TTC21A: variants seen among roughly 807,000 people sequenced by gnomAD.
TTC21A encodes tetratricopeptide repeat protein 21A.
A neutral mutation model predicts 156.4 loss-of-function variants in TTC21A; 128 were observed. The observed-to-expected ratio is 0.82, with a 90% confidence interval of 0.71 to 0.95. The LOEUF is 0.95. Among genes scored for constraint, TTC21A ranks in the 40% least tolerant of loss-of-function variants. The pLI, the probability that TTC21A is intolerant of heterozygous loss-of-function variation, is 0.00. For missense variants in TTC21A, 1,435 were observed against 1,602.3 expected (o/e 0.90, Z 1.78); for synonymous variants, 587 against 617.1 (o/e 0.95, Z 0.72).
chr3:39,120,900 G>C (rs2037713188), intron 8 of TTC21A, 97 bp from the exon 9 acceptor site: 5 of 1,139,930 alleles, frequency 4.4e-6, no homozygotes, highest in Non-Finnish European at 6.3e-6. Context: ...GGGCCTACCA[G>C]CCCTGCCTAC....
In TTC21A at chr3:39,107,850, GAC is replaced by G. The variant is rs1215783077; in HGVS notation, c.14_15del (p.Asp5ValfsTer11). ...CGAGCGGCCCGAGATGAGCAGCAAT[GAC>G]TCCTCCCTTATGGTGCGTGGCCCGG... The part of the protein sequence containing the change: MSSN[D>X]SSLMAGIIYY... On this transcript the variant is annotated frameshift_variant, in exon 1 of 29. Coordinates refer to ENST00000683103, the MANE Select transcript of TTC21A (RefSeq NM_001366900.1). LOFTEE classifies it high-confidence loss of function. 6.2e-7 allele frequency: 1 copy of G among 1,613,038 alleles called. No individual in the cohort carries two copies. The highest frequency in any genetic ancestry group is 8.5e-7 in the Non-Finnish European group (1 of 1,179,996).
In TTC21A at chr3:39,130,671, C is replaced by G; in HGVS notation, c.2320-30C>G. ...CGGGCACTGAAGGGCAGAACCAGGC[C>G]AGAGGCTAATATTTACTGTTTGCAC... is the stretch of plus-strand genomic sequence containing the variant. On this transcript the variant is annotated intron_variant, in intron 17 of 28. Transcript: ENST00000683103. The surrounding 1 kb of genome is among the most constrained non-coding windows in gnomAD (Gnocchi z 4.5). The G allele has an allele frequency of 1.9e-6, 3 of 1,612,174 alleles. No homozygotes were observed. Among genetic ancestry groups the G allele is most frequent in the Non-Finnish European group, 2.5e-6 (3 of 1,178,694 alleles).
At position 39,121,097 on chromosome 3, in the gene TTC21A, A is replaced by C. The variant is rs2037730759; in HGVS notation, c.1001A>C (p.Tyr334Ser). Reference sequence around the variant, plus strand: ...GTCCATGTGGCCACAGAACTGGGCTATCTCTTCATCCTGAAGAACCAAGTG... The same window carrying C: ...GTCCATGTGGCCACAGAACTGGGCTCTCTCTTCATCCTGAAGAACCAAGTG... The part of the protein sequence containing the change: ...SYVHVATELG[Y>S]LFILKNQVKE... Residue 334 changes from tyrosine (Y) to serine (S), a missense_variant, in exon 9 of 29, where the codon TAT becomes TCT. Tyr to Ser is a moderately radical substitution (Grantham distance 144, BLOSUM62 -2). Coordinates refer to ENST00000683103, the MANE Select transcript of TTC21A (RefSeq NM_001366900.1). 6.2e-7 allele frequency: 1 copy of C among 1,614,042 alleles called. No homozygotes were observed. Among genetic ancestry groups the C allele is most frequent in the Non-Finnish European group, 8.5e-7 (1 of 1,180,020 alleles).
Position 39,129,096 on chromosome 3 carries a change from G to C in TTC21A, c.1921G>C (p.Asp641His). 1 of 1,614,212 alleles carries C rather than the reference G, an allele frequency of 6.2e-7. No homozygotes were observed. The highest frequency in any genetic ancestry group is 8.5e-7 in the Non-Finnish European group (1 of 1,180,044). Reference sequence around the variant, plus strand: ...GCATGAGGCCACCAAGGTCATGCAGGACACCATCAATGAGTTCGGTGGCAC... The same window carrying C: ...GCATGAGGCCACCAAGGTCATGCAGCACACCATCAATGAGTTCGGTGGCAC... ...ELHEATKVMQ[D>H]TINEFGGTPE... Residue 641 changes from aspartate to histidine, a missense_variant, in exon 15 of 29, where the codon GAC becomes CAC. Transcript: ENST00000683103.
Position 39,129,363 on chromosome 3 carries a change from G to C in TTC21A, c.2135+53G>C, listed in dbSNP as rs1287963690. 1.6e-5 allele frequency: 22 copies of C among 1,361,536 alleles called. No homozygotes were observed. In the East Asian group the frequency reaches 5.0e-4, roughly 31 times the overall value. The allele number at this position is 1,361,536 out of a possible 1,614,324, so 84.3% of individuals were successfully genotyped here. On this transcript the variant is annotated intron_variant, in intron 15 of 28. Transcript: ENST00000683103. ...GCTTCTTCTCCAATGGTATCTTAGG[G>C]AGTGTTTCCTTCAGATGGTATTTCT...
At chr3:39,118,559 A>C (rs964045807) in intron 7 of TTC21A, 3 of 191,172 alleles carry the variant, frequency 1.6e-5, no homozygotes, top group Non-Finnish European at 3.3e-5. Flanking sequence ...TGATAGTAGA[A>C]GTCGTGGTAG....
chr3:39,132,824 G>A (rs532814668), intron 19 of TTC21A: 40 of 585,280 alleles, frequency 6.8e-5, no homozygotes, highest in East Asian at 2.3e-4. Flanking sequence ...GTACAAAAGC[G>A]TGTTTTGTTT....
Position 39,129,199 on chromosome 3 carries a change from T to C in TTC21A, c.2024T>C (p.Met675Thr), listed in dbSNP as rs1256791903. The change falls in exon 15 of 29, where the codon ATG (methionine) becomes ACG (threonine). Residue 675 changes from methionine to threonine, a missense_variant. Coordinates refer to ENST00000683103, the MANE Select transcript of TTC21A (RefSeq NM_001366900.1). ...SKGNVDVALN[M>T]LRNILPKQSC... ...GGCAATGTGGACGTGGCGCTGAACA[T>C]GCTAAGGAACATCTTGCCCAAGCAG... The C allele has an allele frequency of 4.3e-6, 7 of 1,614,226 alleles. No individual in the cohort carries two copies. Among genetic ancestry groups the C allele is most frequent in the Non-Finnish European group, 5.9e-6 (7 of 1,180,036 alleles).
At chr3:39,138,080 TGA>T in intron 26 of TTC21A, 185 bp from the exon 27 acceptor site, 1 of 745,944 alleles carries the variant, frequency 1.3e-6, no homozygotes, top group Non-Finnish European at 2.1e-6. Flanking sequence ...CTGGGGTAGC[TGA>T]GAGGAGGGCA....
intron 1 of TTC21A, 38 bp from the exon 2 acceptor site, chr3:39,109,047 G>C: frequency 5.0e-6 from 8 of 1,602,808 alleles, no homozygotes; most frequent in Non-Finnish European, 6.8e-6. Context: ...AGACAGAGAA[G>C]GGACTGGGCT....
At chr3:39,120,867 A>C in intron 8 of TTC21A, 130 bp from the exon 9 acceptor site, 1 of 752,736 alleles carries the variant, frequency 1.3e-6, no homozygotes, top group East Asian at 2.8e-5. Context: ...CTGCCTAGAC[A>C]CACGGTACCT....
rs1460207600 is a variant in TTC21A, at chr3:39,134,995, CCTT to C, written c.2863-94_2863-92del. ...GCCTTGCAAGTCCTTTTCTACCTTCCCTTCTTACCACCATCACCCCCATACCCC... is the reference window on the plus strand; with the variant it reads ...GCCTTGCAAGTCCTTTTCTACCTTCCCTTACCACCATCACCCCCATACCCC... On this transcript the variant is annotated intron_variant, in intron 21 of 28. Coordinates refer to ENST00000683103, the MANE Select transcript of TTC21A (RefSeq NM_001366900.1). The surrounding 1 kb of genome is among the most constrained non-coding windows in gnomAD (Gnocchi z 4.6). 1 of 1,056,456 alleles carries C rather than the reference CCTT, an allele frequency of 9.5e-7. No homozygotes were observed. Among genetic ancestry groups the C allele is most frequent in the Non-Finnish European group, 1.5e-6 (1 of 676,636 alleles). The allele number at this position is 1,056,456 out of a possible 1,614,324, so 65.4% of individuals were successfully genotyped here.
rs1446200979 is a variant in TTC21A, at chr3:39,135,078, T to C, written c.2863-15T>C. On this transcript the variant is annotated splice_polypyrimidine_tract_variant and intron_variant, in intron 21 of 28. Transcript: ENST00000683103. Reference sequence around the variant, plus strand: ...CACTGTTGGGAAATCTGGAGCTTTGTGTGTTTTCTGATAGTTGATGGCTGA... The same window carrying C: ...CACTGTTGGGAAATCTGGAGCTTTGCGTGTTTTCTGATAGTTGATGGCTGA... 1 of 1,613,180 alleles carries C rather than the reference T, an allele frequency of 6.2e-7. No homozygotes were observed. The highest frequency in any genetic ancestry group is 8.5e-7 in the Non-Finnish European group (1 of 1,179,340).
At position 39,128,785 on chromosome 3, in the gene TTC21A, G is replaced by A. The variant is rs760752958; in HGVS notation, c.1749G>A (p.Glu583=). 3 of 1,614,176 alleles carry A rather than the reference G, an allele frequency of 1.9e-6. No individual in the cohort carries two copies. The highest frequency in any genetic ancestry group is 2.5e-6 in the Non-Finnish European group (3 of 1,180,036). ...RALNKAGDYP[E]AIKTLKMVIK... ...TCAACAAGGCTGGAGACTATCCAGAGGCCATAAAGACGCTGAAAATGGTCA... is the reference window on the plus strand; with the variant it reads ...TCAACAAGGCTGGAGACTATCCAGAAGCCATAAAGACGCTGAAAATGGTCA... Residue 583 remains glutamate, a synonymous_variant, in exon 14 of 29, where the codon GAG becomes GAA. Transcript: ENST00000683103.
chr3:39,125,335 C>G lies in TTC21A; in HGVS notation c.1195C>G (p.Leu399Val). 1 of 1,613,858 alleles carries G rather than the reference C, an allele frequency of 6.2e-7. No individual in the cohort carries two copies. Among genetic ancestry groups the G allele is most frequent in the Non-Finnish European group, 8.5e-7 (1 of 1,179,962 alleles). ...VQKSLGKSEVLIFLQALLMSR... is the reference protein window; with the variant it reads ...VQKSLGKSEVVIFLQALLMSR... ...GACTCGGTCCTCTCTTCCACAGGTG[C>G]TAATTTTCCTCCAAGCCCTCCTGAT... The change falls in exon 11 of 29, where the codon CTA becomes GTA. Residue 399 changes from leucine (L) to valine (V), a missense_variant. Transcript: ENST00000683103.
At chr3:39,112,679 G>T (rs2036937823) in intron 5 of TTC21A, 99 bp downstream of exon 5, 1 of 1,515,686 alleles carries the variant, frequency 6.6e-7, no homozygotes, top group Admixed American at 2.1e-5. Flanking sequence ...GTAGTCTCCA[G>T]ATGCCTCATC....
In TTC21A at chr3:39,137,202, G is replaced by GAGA. The variant is rs749001008; in HGVS notation, c.3271_3273dup (p.Lys1091dup). 2 of 1,612,668 alleles carry GAGA rather than the reference G, an allele frequency of 1.2e-6. No homozygotes were observed. The highest frequency in any genetic ancestry group is 1.7e-6 in the Non-Finnish European group (2 of 1,179,050). ...CAGGTCTAACACCTGCAGCTACATG[G>GAGA]AGAAGAAGGAGTTGGAGCAGCAGGG... On this transcript the variant is annotated inframe_insertion, in exon 25 of 29. Transcript: ENST00000683103.
rs371597803 is a variant in TTC21A at position 39,136,459 on chromosome 3, G to A, written c.3047G>A (p.Arg1016Gln). The change falls in exon 23 of 29, where the codon CGG (arginine) becomes CAG (glutamine). Residue 1016 changes from arginine (R) to glutamine (Q), a missense_variant. By Grantham distance (43) the Arg-to-Gln change is conservative (BLOSUM62 1). Transcript: ENST00000683103. ...FFELAKKVSS[R>Q]VPLEPGFNYC... is the part of the protein sequence containing the mutation. ...GAATTGGCCAAGAAGGTGTCTAGCC[G>A]GGTGCCTTTGGAACCAGGGTTCAAT... is the stretch of plus-strand genomic sequence containing the variant. The A allele has an allele frequency of 3.3e-5, 53 of 1,614,252 alleles. No individual in the cohort carries two copies. The African/African-American group carries it at 3.3e-4, about 10-fold the overall frequency.
Position 39,131,104 on chromosome 3 carries a change from C to G in TTC21A, c.2562+9C>G, listed in dbSNP as rs1385600581. On this transcript the variant is annotated intron_variant, in intron 19 of 28. Coordinates refer to ENST00000683103, the MANE Select transcript of TTC21A (RefSeq NM_001366900.1). ...TAGAAACTTTGAACAAGGTAATTGA[C>G]AGGTGGACTCAAGCTCTTTATCTGC... 6.3e-7 allele frequency: 1 copy of G among 1,598,488 alleles called. No homozygotes were observed. The highest frequency in any genetic ancestry group is 1.1e-5 in the South Asian group (1 of 90,658).
Sources: allele counts gnomAD v4.1 joint callset, GRCh38; gene constraint gnomAD v4.1.1; non-coding constraint Gnocchi (gnomAD v3.1); transcripts MANE v1.5; gene names NCBI Gene and HGNC (gene_info 2026-07-23, HGNC 2026-07-21).